SF3B1: variants seen among roughly 807,000 people sequenced by gnomAD.
SF3B1 encodes the protein pre-mRNA processing 10.
Under a neutral mutation model 153.8 loss-of-function variants are expected in SF3B1, and 12 were observed. The ratio of observed to expected loss-of-function variants is 0.08; its 90% CI spans 0.05 to 0.13. The LOEUF is 0.13. Among genes scored for constraint, SF3B1 ranks in the 10% least tolerant of loss-of-function variants. SF3B1 has a pLI of 1.00. For synonymous variants in SF3B1, 498 were observed against 525.2 expected (o/e 0.95, Z 0.71); for missense variants, 513 against 1,606.1 (o/e 0.32, Z 11.63).
At chr2:197,421,616 A>C (rs1353337890) in intron 2 of SF3B1, among the ~76,000 whole-genome samples, 2 of 152,198 alleles carry the variant, frequency 1.3e-5, no homozygotes, top group Non-Finnish European at 2.9e-5. Flanking sequence ...CTAGTATAAA[A>C]AGTACAACTG....
chr2:197,407,213 T>A (rs1046550654), intron 9 of SF3B1, among the ~76,000 whole-genome samples: 1 of 152,210 alleles, frequency 6.6e-6, no homozygotes, highest in African/African-American at 2.4e-5. Context: ...CTGGTTATGA[T>A]GTCAGCTATA....
chr2:197,392,728 T>TA (rs1277159838), intron 24 of SF3B1, among the ~76,000 whole-genome samples: 35 of 152,032 alleles, frequency 2.3e-4, no homozygotes, highest in Non-Finnish European at 5.9e-5. Context: ...CTTTTCTTGC[T>TA]AAGTAATCTT....
intron 4 of SF3B1, chr2:197,418,892 G>A (rs753751801): frequency 6.9e-6 from 11 of 1,589,586 alleles, no homozygotes; most frequent in East Asian, 2.3e-5. Flanking sequence ...TCCGGAATAC[G>A]TACACTTTCG....
chr2:197,424,112 T>C, intron 1 of SF3B1, 138 bp from the exon 2 acceptor site: 10 of 749,324 alleles, frequency 1.3e-5, no homozygotes, highest in Non-Finnish European at 2.1e-5. Flanking sequence ...TATAAGAGAC[T>C]AGTAATCACA....
intron 4 of SF3B1, 104 bp downstream of exon 4, chr2:197,420,324 A>G (rs2085219835): frequency 4.9e-6 from 4 of 818,428 alleles, no homozygotes; most frequent in Non-Finnish European, 6.2e-6. Context: ...GGATTTTTAA[A>G]AAGAAAAGCA....
chr2:197,419,084 A>C lies in SF3B1; in HGVS notation c.416-496T>G, dbSNP rs925624714. 2.3e-5 allele frequency: 15 copies of C among 650,792 alleles called. No homozygotes were observed. In the East Asian group the frequency reaches 3.7e-4, roughly 16 times the overall value. 40.3% of individuals were successfully genotyped at this position (650,792 alleles called of 1,614,324 possible). A position where few individuals can be genotyped will look rare whatever the true frequency, so the allele number is the denominator to read the frequency against. On this transcript the variant is annotated intron_variant, in intron 4 of 24. Coordinates refer to ENST00000335508, the MANE Select transcript of SF3B1 (RefSeq NM_012433.4). ...GATAAGTTCTTCATACAGTGTTCTA[A>C]AACAATTGTAGTTTAGAAAATCTGA...
At chr2:197,415,529 C>T (rs1236560370) in intron 6 of SF3B1, among the ~76,000 whole-genome samples, 2 of 152,116 alleles carry the variant, frequency 1.3e-5, no homozygotes, top group African/African-American at 2.4e-5. Context: ...GCTGGGATTA[C>T]AAGCGTGAGC....
At chr2:197,405,644 T>TCA (rs1191970940) in intron 9 of SF3B1, among the ~76,000 whole-genome samples, 172 bp from the exon 10 acceptor site, 1 of 152,206 alleles carries the variant, frequency 6.6e-6, no homozygotes, top group Non-Finnish European at 1.5e-5. Flanking sequence ...TATATACTTC[T>TCA]CATCCACTAA....
chr2:197,406,017 C>T (rs1290930198), intron 9 of SF3B1, among the ~76,000 whole-genome samples: 2 of 151,244 alleles, frequency 1.3e-5, no homozygotes, highest in East Asian at 1.9e-4. Flanking sequence ...TACACACCAC[C>T]TGATCAAACC....
Position 197,421,007 on chromosome 2 carries a change from T to C in SF3B1, c.300+22A>G, listed in dbSNP as rs750711454. On this transcript the variant is annotated intron_variant, in intron 3 of 24. Transcript: ENST00000335508. ...CACTTTTCTTTAGCTGAATAAACTA[T>C]GCTTTTAAAATGAAAGATCACCTGT... 2.7e-6 allele frequency: 4 copies of C among 1,457,104 alleles called. No homozygotes were observed. In the South Asian group the frequency reaches 3.6e-5, roughly 13 times the overall value. The allele number at this position is 1,457,104 out of a possible 1,614,324, so 90.3% of individuals were successfully genotyped here. A position where few individuals can be genotyped will look rare whatever the true frequency, so the allele number is the denominator to read the frequency against.
At chr2:197,423,087 G>T (rs1471023577) in intron 2 of SF3B1, among the ~76,000 whole-genome samples, 2 of 151,716 alleles carry the variant, frequency 1.3e-5, no homozygotes, top group Non-Finnish European at 2.9e-5. Flanking sequence ...ATCAATATCA[G>T]TACTAAGAAA....
At chr2:197,418,730 T>C (rs989848581) in intron 4 of SF3B1, 142 bp from the exon 5 acceptor site, 8 of 1,451,302 alleles carry the variant, frequency 5.5e-6, no homozygotes, top group Non-Finnish European at 7.3e-6. Flanking sequence ...TTAATAATTA[T>C]ACATCTTACT....
At position 197,401,348 on chromosome 2, in the gene SF3B1, A is replaced by C; in HGVS notation, c.2496+52T>G. 3 of 1,517,224 alleles carry C rather than the reference A, an allele frequency of 2.0e-6. No homozygotes were observed. The highest frequency in any genetic ancestry group is 2.7e-6 in the Non-Finnish European group (3 of 1,119,696). The allele number at this position is 1,517,224 out of a possible 1,614,324, so 94.0% of individuals were successfully genotyped here. On this transcript the variant is annotated intron_variant, in intron 17 of 24. Transcript: ENST00000335508. This position sits in a 1 kb window ranked among gnomAD's most constrained non-coding sequence, Gnocchi z 4.2. ...ATACAACATGCATTCAAGTTGACTA[A>C]AGAATGAGTTGAAAGGACTTTTGAG... is the stretch of plus-strand genomic sequence containing the variant.
At position 197,392,182 on chromosome 2, in the gene SF3B1, T is replaced by C; in HGVS notation, c.*121A>G. The C allele has an allele frequency of 6.3e-6, 3 of 479,192 alleles. No homozygotes were observed. Among genetic ancestry groups the C allele is most frequent in the South Asian group, 4.4e-5 (1 of 22,884 alleles). The allele number at this position is 479,192 out of a possible 1,614,324, so 29.7% of individuals were successfully genotyped here. ...TTTAAAAATCATGCTACTGGATTTC[T>C]AGCTCTTCCTCTATGACCAGTTCTA... On this transcript the variant is annotated 3_prime_UTR_variant, in exon 25 of 25. Coordinates refer to ENST00000335508, the MANE Select transcript of SF3B1 (RefSeq NM_012433.4).
At chr2:197,392,717 A>G (rs1372836776) in intron 24 of SF3B1, among the ~76,000 whole-genome samples, 2 of 151,904 alleles carry the variant, frequency 1.3e-5, no homozygotes, top group African/African-American at 2.4e-5. Context: ...TCAATACACT[A>G]CTTTTCTTGC....
intron 6 of SF3B1, 98 bp downstream of exon 6, chr2:197,416,643 G>A: frequency 9.7e-7 from 1 of 1,026,086 alleles, no homozygotes; most frequent in Non-Finnish European, 1.4e-6. Context: ...AAGGCACCCA[G>A]TCTGTGGTAT....
intron 6 of SF3B1, among the ~76,000 whole-genome samples, chr2:197,414,741 A>G (rs2085122256): frequency 6.6e-6 from 1 of 152,212 alleles, no homozygotes; most frequent in Admixed American, 6.5e-5. Context: ...TCTGTGGCTC[A>G]TGCCTGTAAT....
intron 6 of SF3B1, among the ~76,000 whole-genome samples, chr2:197,416,377 C>A (rs1357100735): frequency 6.6e-6 from 1 of 152,096 alleles, no homozygotes; most frequent in Non-Finnish European, 1.5e-5. Flanking sequence ...GAAGTCCTAA[C>A]CCCCAGTGTG....
At chr2:197,406,956 T>C (rs1214429125) in intron 9 of SF3B1, among the ~76,000 whole-genome samples, 1 of 151,928 alleles carries the variant, frequency 6.6e-6, no homozygotes, top group Non-Finnish European at 1.5e-5. Flanking sequence ...GGTATGGTAG[T>C]GCATGCCTGT....
Sources: allele counts gnomAD v4.1 joint callset (sites outside exome capture counted in the v4.1 genomes callset), GRCh38; gene constraint gnomAD v4.1.1; non-coding constraint Gnocchi (gnomAD v3.1); transcripts MANE v1.5; gene names NCBI Gene and HGNC (gene_info 2026-07-23, HGNC 2026-07-21).